CNGB1: variants seen among roughly 807,000 people sequenced by gnomAD.
The protein encoded by CNGB1 is cyclic nucleotide gated channel subunit beta 1.
CNGB1 carries 126 observed loss-of-function variants against 151.7 expected under a neutral mutation model. The ratio of observed to expected loss-of-function variants is 0.83; its 90% CI spans 0.72 to 0.96. CNGB1 has a LOEUF of 0.96. CNGB1 is among the 40% of genes least tolerant of loss of function. CNGB1 has a pLI of 0.00. For missense variants in CNGB1, 1,698 were observed against 1,627.0 expected (o/e 1.04, Z -0.75); for synonymous variants, 623 against 635.1 (o/e 0.98, Z 0.29).
intron 32 of CNGB1, among the ~76,000 whole-genome samples, chr16:57,885,137 C>T (rs17821406): frequency 0.065 from 9,849 of 152,178 alleles, 377 homozygotes; most frequent in Middle Eastern, 0.13. Context: ...TTGCGGATAC[C>T]TGTGGCCCCT....
At chr16:57,915,029 T>C (rs1488393706) in intron 23 of CNGB1, among the ~76,000 whole-genome samples, 4 of 152,196 alleles carry the variant, frequency 2.6e-5, no homozygotes, top group Non-Finnish European at 5.9e-5. Flanking sequence ...ATTTGTAAAA[T>C]GCTGGCAATA....
At chr16:57,894,643 G>A (rs4784018) in intron 31 of CNGB1, among the ~76,000 whole-genome samples, 9,143 of 152,178 alleles carry the variant, frequency 0.06, 337 homozygotes, top group Admixed American at 0.11. Context: ...GTCCATTTTC[G>A]CAAAAGTAAG....
intron 25 of CNGB1, 77 bp downstream of exon 25, chr16:57,911,676 T>A: frequency 6.3e-7 from 1 of 1,584,900 alleles, no homozygotes; most frequent in East Asian, 2.3e-5. Flanking sequence ...GACTCCTTCC[T>A]GGAGTCTCTG....
At chr16:57,955,270 C>T in intron 12 of CNGB1, 6 of 1,550,164 alleles carry the variant, frequency 3.9e-6, no homozygotes, top group Non-Finnish European at 5.2e-6. Context: ...GGAAGGTCTT[C>T]TCTTCAGGGC....
At chr16:57,967,433 C>A in intron 1 of CNGB1, 139 bp from the exon 2 acceptor site, 2 of 815,756 alleles carry the variant, frequency 2.5e-6, no homozygotes, top group Non-Finnish European at 3.9e-6. Context: ...GTGGCTCACA[C>A]CTGTAATCCC....
intron 32 of CNGB1, among the ~76,000 whole-genome samples, chr16:57,886,241 A>T (rs1959927114): frequency 6.6e-6 from 1 of 152,070 alleles, no homozygotes; most frequent in Admixed American, 6.6e-5. Flanking sequence ...TCTGATTTGG[A>T]AGGGAAGTGC....
intron 24 of CNGB1, 122 bp downstream of exon 24, chr16:57,912,808 G>A: frequency 1.0e-6 from 1 of 964,876 alleles, no homozygotes; most frequent in Non-Finnish European, 1.6e-6. Context: ...TGTTGTGTGT[G>A]TGTTGTGTGT....
In CNGB1 at chr16:57,918,979, C is replaced by T. The variant is rs1047835555; in HGVS notation, c.1957+120G>A. 2.3e-5 allele frequency: 35 copies of T among 1,543,766 alleles called. No homozygotes were observed. The Middle Eastern group carries it at 1.0e-3, about 45-fold the overall frequency. ...TTTGAAAGGTATAAAAGATCATGAA[C>T]CCAGGTTGTCTGTGGCCTCCCATCC... On this transcript the variant is annotated intron_variant, in intron 20 of 32. Coordinates refer to ENST00000251102, the MANE Select transcript of CNGB1 (RefSeq NM_001297.5).
intron 25 of CNGB1, among the ~76,000 whole-genome samples, chr16:57,910,499 C>T (rs1284625640): frequency 6.6e-6 from 1 of 151,992 alleles, no homozygotes; most frequent in East Asian, 1.9e-4. Context: ...CTCAGCCTCC[C>T]GAGTAACTGA....
At position 57,883,879 on chromosome 16, in the gene CNGB1, A is replaced by C; in HGVS notation, c.*285T>G. 1.8e-6 allele frequency: 1 copy of C among 552,516 alleles called. No individual in the cohort carries two copies. 34.2% of individuals were successfully genotyped at this position (552,516 alleles called of 1,614,324 possible). On this transcript the variant is annotated 3_prime_UTR_variant, in exon 33 of 33. Coordinates refer to ENST00000251102, the MANE Select transcript of CNGB1 (RefSeq NM_001297.5). ...AAAAGTGGAAAATCATTTTGTTCTT[A>C]AAAAGAGGAACAGTCAGGAAAAGGT...
chr16:57,901,311 G>T, intron 29 of CNGB1, 41 bp downstream of exon 29: 1 of 1,593,500 alleles, frequency 6.3e-7, no homozygotes, highest in South Asian at 1.1e-5. Context: ...CCAGGGGGAT[G>T]GTGAACCCCA....
chr16:57,885,948 A>G (rs1390387826), intron 32 of CNGB1, among the ~76,000 whole-genome samples: 4 of 152,186 alleles, frequency 2.6e-5, no homozygotes, highest in African/African-American at 9.7e-5. Flanking sequence ...GATGGTGAGC[A>G]TCGTGGAACT....
Position 57,911,748 on chromosome 16 carries a change from C to T in CNGB1, c.2492+5G>A, listed in dbSNP as rs1348761242. ...CATGGCCCCAGGGGGAGGACTGTGGCTCACCTGTTTCCCACGCCATCGTAA... is the reference window on the plus strand; with the variant it reads ...CATGGCCCCAGGGGGAGGACTGTGGTTCACCTGTTTCCCACGCCATCGTAA... On this transcript the variant is annotated splice_donor_5th_base_variant and intron_variant, in intron 25 of 32. Coordinates refer to ENST00000251102, the MANE Select transcript of CNGB1 (RefSeq NM_001297.5). 1.2e-6 allele frequency: 2 copies of T among 1,613,798 alleles called. No individual in the cohort carries two copies. The highest frequency in any genetic ancestry group is 1.7e-5 in the Admixed American group (1 of 60,018).
At position 57,967,271 on chromosome 16, in the gene CNGB1, G is replaced by A. The variant is rs1427995653; in HGVS notation, c.16C>T (p.Gln6Ter). The change falls in exon 2 of 33, where the codon CAG (glutamine) becomes TAG (stop). Residue 6 changes from glutamine to a stop codon, truncating the protein, a stop_gained. Coordinates refer to ENST00000251102, the MANE Select transcript of CNGB1 (RefSeq NM_001297.5). LOFTEE classifies it high-confidence loss of function. MLGWV[Q>*]RVLPQPPGTP... ...CCTGGGGGCTGAGGCAGCACCCTCT[G>A]GACCCAGCCCAACATCCTGATGCCT... The A allele has an allele frequency of 1.2e-5, 20 of 1,614,040 alleles. No homozygotes were observed. Among genetic ancestry groups the A allele is most frequent in the Non-Finnish European group, 1.6e-5 (19 of 1,180,032 alleles).
At chr16:57,963,320 C>T (rs533588545) in intron 4 of CNGB1, among the ~76,000 whole-genome samples, 15 of 152,354 alleles carry the variant, frequency 9.8e-5, no homozygotes, top group East Asian at 5.8e-4. Flanking sequence ...AAAAGCTCCA[C>T]GTCCTTCTCT....
chr16:57,923,393 A>C lies in CNGB1; in HGVS notation c.1536-13T>G, dbSNP rs1961101740. The C allele has an allele frequency of 6.2e-7, 1 of 1,605,976 alleles. No individual in the cohort carries two copies. Among genetic ancestry groups the C allele is most frequent in the Non-Finnish European group, 8.5e-7 (1 of 1,173,932 alleles). On this transcript the variant is annotated splice_polypyrimidine_tract_variant and intron_variant, in intron 17 of 32. Coordinates refer to ENST00000251102, the MANE Select transcript of CNGB1 (RefSeq NM_001297.5). ...GGGCAGCTTCTTCCTGCAAAGACAC[A>C]GATGTGGAAGGGGCCTTCAGCAAAG... is the stretch of plus-strand genomic sequence containing the variant.
chr16:57,911,943 G>C (rs1776905598), intron 24 of CNGB1, 68 bp from the exon 25 acceptor site: 1 of 1,600,282 alleles, frequency 6.2e-7, no homozygotes, highest in African/African-American at 1.3e-5. Flanking sequence ...CACCTGGACA[G>C]TGAGAGCCAA....
In CNGB1 at chr16:57,883,095, T is replaced by C. The variant is rs1265747465; in HGVS notation, c.*1069A>G. 2 of 152,234 alleles carry C rather than the reference T, an allele frequency of 1.3e-5. No individual in the cohort carries two copies. Among genetic ancestry groups the C allele is most frequent in the African/African-American group, 2.4e-5 (1 of 41,460 alleles). 9.4% of individuals were successfully genotyped at this position (152,234 alleles called of 1,614,324 possible). ...CATTTCCCTTCTATCTGTTCTGAGA[T>C]AATGGCATTGCATTGGAATTGAATA... is the stretch of plus-strand genomic sequence containing the variant. On this transcript the variant is annotated 3_prime_UTR_variant, in exon 33 of 33. Transcript: ENST00000251102.
chr16:57,887,738 G>T, intron 32 of CNGB1, 117 bp downstream of exon 32: 1 of 1,008,940 alleles, frequency 9.9e-7, no homozygotes, highest in Non-Finnish European at 1.5e-6. Context: ...CTGACTGATA[G>T]AAAAAGGAGG....
Sources: allele counts gnomAD v4.1 joint callset (sites outside exome capture counted in the v4.1 genomes callset), GRCh38; gene constraint gnomAD v4.1.1; transcripts MANE v1.5; gene names NCBI Gene and HGNC (gene_info 2026-07-23, HGNC 2026-07-21).